Variants in PARD3B observed in about 807,000 individuals in gnomAD.
The protein encoded by PARD3B is partitioning defective 3 homolog B.
Under a neutral mutation model 130.2 loss-of-function variants are expected in PARD3B, and 103 were observed. That is an observed-to-expected ratio of 0.79 (90% CI 0.67 to 0.93). The LOEUF (loss-of-function observed/expected upper bound fraction) is 0.93, where lower values mean the gene tolerates loss of function less well. PARD3B is among the 40% of genes least tolerant of loss of function. The pLI, the probability that PARD3B is intolerant of heterozygous loss-of-function variation, is 0.00. For synonymous variants in PARD3B, 583 were observed against 553.2 expected (o/e 1.05, Z -0.76); for missense variants, 1,609 against 1,499.2 (o/e 1.07, Z -1.21).
chr2:205,312,345 A>G (rs1005812719), intron 18 of PARD3B, among the ~76,000 whole-genome samples: 3 of 152,218 alleles, frequency 2.0e-5, no homozygotes, highest in African/African-American at 7.2e-5. Context: ...GCCGGTTTGA[A>G]ACATGAAATT....
At chr2:205,206,365 C>G (rs111387423) in intron 15 of PARD3B, among the ~76,000 whole-genome samples, 1 of 141,650 alleles carries the variant, frequency 7.1e-6, no homozygotes, top group Non-Finnish European at 1.5e-5. Context: ...ATCCCTCCCC[C>G]CTCCCCCAAC....
At chr2:205,569,542 A>G (rs948506844) in intron 22 of PARD3B, among the ~76,000 whole-genome samples, 3 of 152,164 alleles carry the variant, frequency 2.0e-5, no homozygotes, top group Non-Finnish European at 2.9e-5. Context: ...GTTTCAAGCA[A>G]TATCAACTGA....
chr2:204,760,707 G>C (rs1462610856), intron 2 of PARD3B, among the ~76,000 whole-genome samples: 1 of 152,066 alleles, frequency 6.6e-6, no homozygotes, highest in African/African-American at 2.4e-5. Flanking sequence ...GTTCTTTAGA[G>C]TTTGAAGAAA....
rs200670546 is a variant in PARD3B, at chr2:204,899,207, C to T, written c.223-65945C>T. On this transcript the variant is annotated intron_variant, in intron 2 of 22. Coordinates refer to ENST00000406610, the MANE Select transcript of PARD3B (RefSeq NM_001302769.2). The stretch of plus-strand genomic sequence containing the variant: ...CTTCTCCCTTCCCTCCCTTCCCTCC[C>T]TTCCCTCCCCTCCTTCCCTCCTCTC... 3.8e-4 allele frequency among the ~76,000 whole-genome samples: 51 copies of T among 132,528 alleles called. No individual in the cohort carries two copies. In the East Asian group the frequency reaches 0.011, roughly 28 times the overall value. The allele number at this position is 132,528 out of a possible 152,430, so 86.9% of individuals were successfully genotyped here.
intron 1 of PARD3B, among the ~76,000 whole-genome samples, chr2:204,625,795 A>G (rs2034466678): frequency 1.3e-5 from 2 of 152,204 alleles, no homozygotes; most frequent in South Asian, 4.1e-4. Context: ...AATATTCCAC[A>G]TATAATGAAA....
intron 3 of PARD3B, among the ~76,000 whole-genome samples, chr2:204,995,037 T>C (rs1694037771): frequency 6.6e-6 from 1 of 151,418 alleles, no homozygotes; most frequent in South Asian, 2.1e-4. Context: ...TTTATCCAAC[T>C]TGCCAGTCTG....
chr2:205,544,365 G>A (rs2052294968), intron 21 of PARD3B, among the ~76,000 whole-genome samples: 1 of 152,026 alleles, frequency 6.6e-6, no homozygotes. Flanking sequence ...AGGAAATGAG[G>A]AATGATGTCT....
intron 18 of PARD3B, among the ~76,000 whole-genome samples, chr2:205,387,425 A>G (rs1291983500): frequency 6.6e-6 from 1 of 152,124 alleles, no homozygotes; most frequent in African/African-American, 2.4e-5. Context: ...GCACTCAAAT[A>G]TTACTTTTAT....
intron 3 of PARD3B, among the ~76,000 whole-genome samples, chr2:205,023,771 G>A (rs1333348445): frequency 6.6e-6 from 1 of 152,060 alleles, no homozygotes; most frequent in African/African-American, 2.4e-5. Context: ...ATGCATGGAT[G>A]AACTCAATCA....
intron 18 of PARD3B, chr2:205,347,699 A>G (rs2043844904): frequency 1.3e-5 from 2 of 152,160 alleles, no homozygotes; most frequent in South Asian, 4.1e-4. Flanking sequence ...CAAGTTTTCC[A>G]TTTCATTTGA....
intron 15 of PARD3B, 64 bp downstream of exon 15, chr2:205,193,384 T>A: frequency 7.8e-7 from 1 of 1,276,856 alleles, no homozygotes; most frequent in Non-Finnish European, 1.1e-6. Flanking sequence ...TCTTCCCAAA[T>A]GTCCTGGTTT....
chr2:205,328,462 A>G (rs1004140159), intron 18 of PARD3B, among the ~76,000 whole-genome samples: 35 of 152,174 alleles, frequency 2.3e-4, no homozygotes, highest in African/African-American at 8.4e-4. Flanking sequence ...ATAAGTAAAT[A>G]TCAGTACAAA....
At chr2:204,912,914 A>G (rs60446736) in intron 2 of PARD3B, among the ~76,000 whole-genome samples, 4,116 of 152,292 alleles carry the variant, frequency 0.027, 175 homozygotes, top group African/African-American at 0.094. Context: ...TAACAAATAG[A>G]TGTTTGGAAG....
At chr2:204,654,959 A>G (rs1243654776) in intron 1 of PARD3B, among the ~76,000 whole-genome samples, 1 of 152,154 alleles carries the variant, frequency 6.6e-6, no homozygotes, top group Non-Finnish European at 1.5e-5. Context: ...AAACAAGAGG[A>G]TCTTGAAATC....
chr2:205,406,659 CTTTTTT>C (rs777517284), intron 19 of PARD3B, among the ~76,000 whole-genome samples: 1 of 87,424 alleles, frequency 1.1e-5, no homozygotes, highest in Non-Finnish European at 2.2e-5. Context: ...TCTTGTGTAT[CTTTTTT>C]TTTTTTTTTT....
intron 1 of PARD3B, among the ~76,000 whole-genome samples, chr2:204,622,377 ATGGCAT>A (rs1397025955): frequency 1.3e-5 from 2 of 152,142 alleles, no homozygotes; most frequent in Non-Finnish European, 2.9e-5. Context: ...TTGTCCGTGT[ATGGCAT>A]TTGCTGTTGA....
intron 16 of PARD3B, 88 bp downstream of exon 16, chr2:205,245,910 C>G: frequency 9.1e-7 from 1 of 1,099,860 alleles, no homozygotes. Context: ...TTTCTATCCA[C>G]TAGTCACTGA....
chr2:204,790,585 C>G (rs939348672), intron 2 of PARD3B, among the ~76,000 whole-genome samples: 2 of 152,166 alleles, frequency 1.3e-5, no homozygotes, highest in Non-Finnish European at 2.9e-5. Context: ...GGAGTTGACA[C>G]CACCTGTTCC....
chr2:204,829,066 T>C (rs1383801842), intron 2 of PARD3B, among the ~76,000 whole-genome samples: 1 of 152,214 alleles, frequency 6.6e-6, no homozygotes, highest in African/African-American at 2.4e-5. Context: ...ACTGTTTCAT[T>C]GAAGTTTGGT....
Sources: gnomAD v4.1 joint callset for allele counts (sites outside exome capture counted in the v4.1 genomes callset) on GRCh38, gnomAD v4.1.1 for gene constraint, MANE v1.5 for transcripts, NCBI Gene and HGNC (gene_info 2026-07-23, HGNC 2026-07-21) for gene names.